The following RBM47 variants were observed in gnomAD, a reference collection of about 807,000 sequenced individuals.
The protein encoded by RBM47 is RNA binding motif protein 47, also known as RNA-binding protein 47.
A neutral mutation model predicts 47.1 loss-of-function variants in RBM47; 21 were observed. The ratio of observed to expected loss-of-function variants is 0.45; its 90% CI spans 0.32 to 0.64. RBM47 has a LOEUF of 0.64. Among genes scored for constraint, RBM47 ranks in the 30% least tolerant of loss-of-function variants. The probability of loss-of-function intolerance (pLI) is 0.05; values close to 1 mark genes in which losing one functional copy is unlikely to be tolerated. For synonymous variants in RBM47, 375 were observed against 361.7 expected, an observed-to-expected ratio of 1.04 and a Z score of -0.42; for missense variants, 708 against 870.9, an observed-to-expected ratio of 0.81 and a Z score of 2.35.
intron 2 of RBM47, chr4:40,491,857 C>T (rs1396409761): frequency 1.0e-5 from 2 of 198,394 alleles, no homozygotes; most frequent in South Asian, 1.1e-4. Flanking sequence ...GCTACATTGC[C>T]AAGTGCAAGA....
At chr4:40,471,256 C>T (rs528016856) in intron 2 of RBM47, among the ~76,000 whole-genome samples, 1 of 152,164 alleles carries the variant, frequency 6.6e-6, no homozygotes, top group African/African-American at 2.4e-5. Flanking sequence ...AAGGATTACA[C>T]AAGACACAAC....
At chr4:40,452,608 AGCCTTAGTCTAGCGTCC>A (rs1251455645) in intron 3 of RBM47, among the ~76,000 whole-genome samples, 5 of 152,294 alleles carry the variant, frequency 3.3e-5, no homozygotes, top group African/African-American at 1.2e-4. Context: ...GTATCTTGTC[AGCCTTAGTCTAGCGTCC>A]GCCAGGTCAA....
intron 1 of RBM47, among the ~76,000 whole-genome samples, chr4:40,600,633 C>CA (rs142816100): frequency 0.3 from 41,131 of 138,362 alleles, 6,375 homozygotes; most frequent in South Asian, 0.35. Flanking sequence ...GGCTCCGTCT[C>CA]AAAAAAAAAG....
At chr4:40,578,816 G>A (rs1363843068) in intron 1 of RBM47, among the ~76,000 whole-genome samples, 1 of 152,240 alleles carries the variant, frequency 6.6e-6, no homozygotes, top group Non-Finnish European at 1.5e-5. Flanking sequence ...CACACAGTAG[G>A]TGCTCAAAAT....
chr4:40,519,080 G>A (rs891875428), intron 2 of RBM47, among the ~76,000 whole-genome samples: 1 of 151,886 alleles, frequency 6.6e-6, no homozygotes, highest in Admixed American at 6.6e-5. Context: ...ATGCGCCTGT[G>A]GTCCAAGCTA....
intron 2 of RBM47, among the ~76,000 whole-genome samples, chr4:40,535,254 C>T (rs1452237670): frequency 1.3e-5 from 2 of 151,860 alleles, no homozygotes; most frequent in Admixed American, 6.6e-5. Flanking sequence ...TTTAAGATTC[C>T]AAGAATCACT....
In RBM47 at chr4:40,432,799, A is replaced by G. The variant is rs1711550921; in HGVS notation, c.1394T>C (p.Ile465Thr). Reference sequence around the variant, plus strand: ...CACTGTGTGGATTTTGCCATCTTCAATCATTTTAGGGGCTGGAGCTGCTGG... The same window carrying G: ...CACTGTGTGGATTTTGCCATCTTCAGTCATTTTAGGGGCTGGAGCTGCTGG... ...MFPAAPAPKM[I>T]EDGKIHTVEH... Residue 465 changes from isoleucine to threonine, a missense_variant, in exon 6 of 7, where the codon ATT becomes ACT. By Grantham distance (89) the Ile-to-Thr change is moderately conservative. Transcript: ENST00000295971. 1 of 1,613,882 alleles carries G rather than the reference A, an allele frequency of 6.2e-7. No homozygotes were observed. Among genetic ancestry groups the G allele is most frequent in the Non-Finnish European group, 8.5e-7 (1 of 1,180,000 alleles).
intron 2 of RBM47, among the ~76,000 whole-genome samples, chr4:40,519,001 C>G (rs930920207): frequency 6.6e-6 from 1 of 151,570 alleles, no homozygotes; most frequent in Non-Finnish European, 1.5e-5. Context: ...TAAGACCAGC[C>G]TAGGCAACAT....
At chr4:40,581,030 A>G (rs558196284) in intron 1 of RBM47, among the ~76,000 whole-genome samples, 1 of 152,314 alleles carries the variant, frequency 6.6e-6, no homozygotes, top group South Asian at 2.1e-4. Flanking sequence ...GAATCTGGTA[A>G]TGGAGGCAGA....
intron 2 of RBM47, among the ~76,000 whole-genome samples, chr4:40,509,553 A>G (rs1724582830): frequency 2.0e-5 from 3 of 152,226 alleles, no homozygotes; most frequent in African/African-American, 7.2e-5. Flanking sequence ...TCTGGGCAAC[A>G]TAGTGAGACC....
intron 6 of RBM47, among the ~76,000 whole-genome samples, chr4:40,430,676 G>A (rs1715839930): frequency 6.6e-6 from 1 of 152,190 alleles, no homozygotes. Context: ...CTACTGTGGA[G>A]GGTCACAGGC....
intron 1 of RBM47, among the ~76,000 whole-genome samples, chr4:40,574,264 C>T (rs1732080279): frequency 6.6e-6 from 1 of 152,202 alleles, no homozygotes; most frequent in African/African-American, 2.4e-5. Flanking sequence ...CTGGGTAAAA[C>T]TAGTACCATG....
chr4:40,488,762 C>T (rs904934854), intron 2 of RBM47, among the ~76,000 whole-genome samples: 2 of 152,148 alleles, frequency 1.3e-5, no homozygotes, highest in Non-Finnish European at 2.9e-5. Context: ...TCAGCAAAGG[C>T]CCATCTGACC....
At chr4:40,574,417 T>C (rs1732098328) in intron 1 of RBM47, among the ~76,000 whole-genome samples, 1 of 152,218 alleles carries the variant, frequency 6.6e-6, no homozygotes, top group South Asian at 2.1e-4. Flanking sequence ...AATTTCCAGA[T>C]TCCAAAAATA....
chr4:40,460,916 T>C (rs1036587399), intron 3 of RBM47, among the ~76,000 whole-genome samples: 1 of 149,442 alleles, frequency 6.7e-6, no homozygotes, highest in African/African-American at 2.5e-5. Context: ...AAAAGATACT[T>C]ATTAAAAGAA....
At chr4:40,512,350 G>T (rs1237816049) in intron 2 of RBM47, among the ~76,000 whole-genome samples, 2 of 150,316 alleles carry the variant, frequency 1.3e-5, no homozygotes, top group Non-Finnish European at 3.0e-5. Flanking sequence ...GGAGGTGGAG[G>T]TTGCAGAGAG....
chr4:40,576,666 GC>G (rs2154270080), intron 1 of RBM47, among the ~76,000 whole-genome samples: 1 of 152,228 alleles, frequency 6.6e-6, no homozygotes, highest in East Asian at 1.9e-4. Context: ...CAAACTTCTG[GC>G]CTCAAGTGAT....
chr4:40,582,966 G>A (rs1277324289), intron 1 of RBM47, among the ~76,000 whole-genome samples: 4 of 152,150 alleles, frequency 2.6e-5, no homozygotes, highest in African/African-American at 4.8e-5. Flanking sequence ...TAAGCACCTC[G>A]AAGGCAGCTT....
intron 3 of RBM47, among the ~76,000 whole-genome samples, chr4:40,440,209 G>T (rs940405906): frequency 2.6e-5 from 4 of 152,126 alleles, no homozygotes; most frequent in African/African-American, 9.7e-5. Context: ...GTTAAGAAAA[G>T]TACATAAGAA....
Sources: allele counts gnomAD v4.1 joint callset (sites outside exome capture counted in the v4.1 genomes callset), GRCh38; gene constraint gnomAD v4.1.1; transcripts MANE v1.5; gene names NCBI Gene and HGNC (gene_info 2026-07-23, HGNC 2026-07-21).